Variants in AVL9 observed in about 807,000 individuals in gnomAD.
AVL9 encodes the protein AVL9 cell migration associated, also known as late secretory pathway protein AVL9 homolog.
In AVL9, 49 loss-of-function variants were observed where a neutral mutation model predicts 79.2. The observed-to-expected ratio is 0.62, with a 90% CI of 0.49 to 0.79. The LOEUF (loss-of-function observed/expected upper bound fraction) is 0.79, where lower values mean the gene tolerates loss of function less well. Ranked by LOEUF, AVL9 falls within the 30% of genes least tolerant of loss-of-function variation. The pLI is 0.00. For missense variants in AVL9, 682 were observed against 776.8 expected (o/e 0.88, Z 1.45); for synonymous variants, 299 against 280.6 (o/e 1.07, Z -0.65).
Position 32,588,175 on chromosome 7 carries a change from A to G in AVL9, c.*4268A>G, listed in dbSNP as rs532942007. On this transcript the variant is annotated 3_prime_UTR_variant, in exon 16 of 16. Coordinates refer to ENST00000318709, the MANE Select transcript of AVL9 (RefSeq NM_015060.3). ...TCACACCCACGTAGTATGCTGCTCA[A>G]ATTTTTTCGTGTGTGCAAATGTGAA... 1 of 152,188 alleles carries G rather than the reference A, an allele frequency of 6.6e-6. No homozygotes were observed. The highest frequency in any genetic ancestry group is 2.4e-5 in the African/African-American group (1 of 41,448). The allele number at this position is 152,188 out of a possible 1,614,324, so 9.4% of individuals were successfully genotyped here.
In AVL9 at chr7:32,559,470, G is replaced by C. The variant is rs201796737; in HGVS notation, c.1215+6G>C. 7.3e-5 allele frequency: 111 copies of C among 1,511,268 alleles called. 1 individual carries two copies. The highest frequency in any genetic ancestry group is 7.1e-5 in the Non-Finnish European group (80 of 1,130,790). 93.6% of individuals were successfully genotyped at this position (1,511,268 alleles called of 1,614,324 possible). On this transcript the variant is annotated splice_donor_region_variant and intron_variant, in intron 10 of 15. Transcript: ENST00000318709. Reference sequence around the variant, plus strand: ...CCCTGGCCATCTTCACAAAGGTAAAGTGTAATATTTTTTATCGAATTCCTT... The same window carrying C: ...CCCTGGCCATCTTCACAAAGGTAAACTGTAATATTTTTTATCGAATTCCTT...
At chr7:32,572,732 G>A (rs1324940504) in intron 11 of AVL9, among the ~76,000 whole-genome samples, 1 of 144,780 alleles carries the variant, frequency 6.9e-6, no homozygotes, top group Admixed American at 7.2e-5. Flanking sequence ...AACCCAGGAG[G>A]CAGAGCTTGC....
At chr7:32,549,579 A>G (rs1481562026) in intron 4 of AVL9, among the ~76,000 whole-genome samples, 1 of 152,000 alleles carries the variant, frequency 6.6e-6, no homozygotes, top group African/African-American at 2.4e-5. Flanking sequence ...ATTTCTTCCA[A>G]GAAGTAATTT....
intron 1 of AVL9, among the ~76,000 whole-genome samples, chr7:32,540,393 A>G (rs1470531306): frequency 6.6e-6 from 1 of 152,252 alleles, no homozygotes; most frequent in Non-Finnish European, 1.5e-5. Flanking sequence ...GTCAGGCAGC[A>G]TCAAACCAGA....
At chr7:32,515,624 G>C (rs1211680308) in intron 1 of AVL9, among the ~76,000 whole-genome samples, 1 of 152,230 alleles carries the variant, frequency 6.6e-6, no homozygotes, top group East Asian at 1.9e-4. Flanking sequence ...GTAGAGAGCA[G>C]TCTTCAGCCT....
chr7:32,577,528 G>A (rs1265581561), intron 13 of AVL9, among the ~76,000 whole-genome samples: 2 of 152,160 alleles, frequency 1.3e-5, no homozygotes, highest in East Asian at 3.9e-4. Flanking sequence ...TGCTTAGCAG[G>A]GTGGCACTCA....
intron 3 of AVL9, among the ~76,000 whole-genome samples, chr7:32,546,490 A>G (rs757723631): frequency 3.9e-5 from 6 of 152,312 alleles, no homozygotes; most frequent in African/African-American, 1.2e-4. Flanking sequence ...AAATGTATAC[A>G]ATTTTTGTCA....
Position 32,587,406 on chromosome 7 carries a change from A to T in AVL9, c.*3499A>T, listed in dbSNP as rs1015667430. On this transcript the variant is annotated 3_prime_UTR_variant, in exon 16 of 16. Transcript: ENST00000318709. ...TATTGTTTTACATTTTGTGAAAAAA[A>T]GTTTTGTAGAAGTTACAGCTAGTGG... 6.6e-6 allele frequency: 1 copy of T among 152,180 alleles called. No individual in the cohort carries two copies. The highest frequency in any genetic ancestry group is 1.5e-5 in the Non-Finnish European group (1 of 68,038). The allele number at this position is 152,180 out of a possible 1,614,324, so 9.4% of individuals were successfully genotyped here. A position where few individuals can be genotyped will look rare whatever the true frequency, so the allele number is the denominator to read the frequency against.
intron 1 of AVL9, among the ~76,000 whole-genome samples, chr7:32,502,275 G>A (rs1357864878): frequency 1.3e-5 from 2 of 151,440 alleles, no homozygotes; most frequent in Non-Finnish European, 2.9e-5. Flanking sequence ...TGGTGTGAGT[G>A]CACTGGTCAC....
chr7:32,501,397 T>C (rs1787119655), intron 1 of AVL9, among the ~76,000 whole-genome samples: 1 of 152,238 alleles, frequency 6.6e-6, no homozygotes, highest in African/African-American at 2.4e-5. Flanking sequence ...AAGATTCTTT[T>C]TAGCTGCTAG....
In AVL9 at chr7:32,551,406, C is replaced by G. The variant is rs1432088711; in HGVS notation, c.445C>G (p.Gln149Glu). ...HAYFEEKDFS[Q>E]ISILKELYEH... is the part of the protein sequence containing the mutation. Reference sequence around the variant, plus strand: ...ATATTTTGAAGAGAAGGATTTTTCCCAAATTTCTATTCTAAAGGTAACTTT... The same window carrying G: ...ATATTTTGAAGAGAAGGATTTTTCCGAAATTTCTATTCTAAAGGTAACTTT... Residue 149 changes from glutamine to glutamate, a missense_variant, in exon 5 of 16, where the codon CAA becomes GAA. Coordinates refer to ENST00000318709, the MANE Select transcript of AVL9 (RefSeq NM_015060.3). The G allele has an allele frequency of 1.2e-6, 2 of 1,604,856 alleles. No homozygotes were observed. The highest frequency in any genetic ancestry group is 1.7e-6 in the Non-Finnish European group (2 of 1,172,256).
rs538145190 is a variant in AVL9, at chr7:32,561,080, AT to A, written c.1215+1619del. ...TTCCATTCTAGAGCACAGGCAGCAG[AT>A]TTAGCATAACTCTGAAGGGCCCTAG... On this transcript the variant is annotated intron_variant, in intron 10 of 15. Transcript: ENST00000318709. 3.4e-3 allele frequency among the ~76,000 whole-genome samples: 519 copies of A among 152,310 alleles called. 3 individuals are homozygous for A. The highest frequency in any genetic ancestry group is 5.9e-3 in the Non-Finnish European group (403 of 68,030).
chr7:32,538,443 AAC>A (rs1348283459), intron 1 of AVL9: 1 of 152,222 alleles, frequency 6.6e-6, no homozygotes, highest in Non-Finnish European at 1.5e-5. Flanking sequence ...GTACACATAC[AAC>A]ACAGCTAGAA....
chr7:32,588,129 A>G lies in AVL9; in HGVS notation c.*4222A>G, dbSNP rs1791877911. ...GAACACAGTGTAGGGGGTTTTTCCA[A>G]TCTTATTTTTCATCAGGTTCTCACA... On this transcript the variant is annotated 3_prime_UTR_variant, in exon 16 of 16. Transcript: ENST00000318709. The G allele has an allele frequency of 6.6e-6, 1 of 152,076 alleles. No individual in the cohort carries two copies. Among genetic ancestry groups the G allele is most frequent in the Admixed American group, 6.6e-5 (1 of 15,260 alleles). The allele number at this position is 152,076 out of a possible 1,614,324, so 9.4% of individuals were successfully genotyped here.
intron 13 of AVL9, among the ~76,000 whole-genome samples, chr7:32,579,426 TAATATA>T (rs373084084): frequency 0.5 from 2,408 of 4,796 alleles, 1,079 homozygotes; most frequent in Middle Eastern, 1. Context: ...GTTATATATA[TAATATA>T]TATATTATAT....
chr7:32,561,649 CAAAACA>C (rs537357205), intron 10 of AVL9, among the ~76,000 whole-genome samples: 35 of 152,164 alleles, frequency 2.3e-4, no homozygotes, highest in African/African-American at 3.1e-4. Context: ...AAAAACAAAA[CAAAACA>C]AAAACAAAAA....
At chr7:32,575,757 G>T (rs1791065619) in intron 12 of AVL9, among the ~76,000 whole-genome samples, 198 bp from the exon 13 acceptor site, 1 of 152,172 alleles carries the variant, frequency 6.6e-6, no homozygotes, top group Non-Finnish European at 1.5e-5. Context: ...GTGATTAAGT[G>T]ACTTGCCAAA....
At chr7:32,508,134 T>TA (rs1477544757) in intron 1 of AVL9, among the ~76,000 whole-genome samples, 1 of 152,186 alleles carries the variant, frequency 6.6e-6, no homozygotes, top group African/African-American at 2.4e-5. Context: ...TTAAGACTTA[T>TA]ATGTGCTGCA....
At chr7:32,518,909 G>A (rs957893530) in intron 1 of AVL9, among the ~76,000 whole-genome samples, 2 of 152,134 alleles carry the variant, frequency 1.3e-5, no homozygotes. Flanking sequence ...GTTACTCTTA[G>A]TGCAAGAAGT....
Sources: allele counts gnomAD v4.1 joint callset (sites outside exome capture counted in the v4.1 genomes callset), GRCh38; gene constraint gnomAD v4.1.1; transcripts MANE v1.5; gene names NCBI Gene and HGNC (gene_info 2026-07-23, HGNC 2026-07-21).